POC5: variants seen among roughly 807,000 people sequenced by gnomAD.
POC5 encodes POC5 centriolar protein.
POC5 carries 48 observed loss-of-function variants against 62.9 expected under a neutral mutation model. The observed-to-expected ratio is 0.76, with a 90% CI of 0.61 to 0.97. The LOEUF is 0.97. POC5 is among the 50% of genes least tolerant of loss of function. POC5 has a pLI of 0.00. For synonymous variants in POC5, 236 were observed against 228.2 expected (o/e 1.03, Z -0.31); for missense variants, 696 against 679.5 (o/e 1.02, Z -0.27).
chr5:75,692,194 T>C (rs1176689499), intron 7 of POC5, among the ~76,000 whole-genome samples: 1 of 152,178 alleles, frequency 6.6e-6, no homozygotes, highest in Non-Finnish European at 1.5e-5. Context: ...GTATCTATTG[T>C]AATATATATA....
At chr5:75,697,263 C>A (rs1007196646) in intron 5 of POC5, among the ~76,000 whole-genome samples, 2 of 151,986 alleles carry the variant, frequency 1.3e-5, no homozygotes, top group African/African-American at 2.4e-5. Flanking sequence ...GTCAGATTCG[C>A]CAAAGTTGAA....
intron 3 of POC5, among the ~76,000 whole-genome samples, chr5:75,707,243 A>G (rs1413433304): frequency 6.6e-6 from 1 of 152,216 alleles, no homozygotes; most frequent in African/African-American, 2.4e-5. Flanking sequence ...AGTAGCTTTC[A>G]GTTCTGTTGC....
In POC5 at chr5:75,689,720, TAAC is replaced by T. The variant is rs769246058; in HGVS notation, c.976-558_976-556del. 6 of 955,576 alleles carry T rather than the reference TAAC, an allele frequency of 6.3e-6. No individual in the cohort carries two copies. The South Asian group carries it at 2.9e-4, about 46-fold the overall frequency. 59.2% of individuals were successfully genotyped at this position (955,576 alleles called of 1,614,324 possible). A position where few individuals can be genotyped will look rare whatever the true frequency, so the allele number is the denominator to read the frequency against. On this transcript the variant is annotated intron_variant, in intron 8 of 11. Coordinates refer to ENST00000428202, the MANE Select transcript of POC5 (RefSeq NM_001099271.2). ...TGTATTATGGATTTATTTTTAATCT[TAAC>T]AATTTAATGCTGTAATGAGTTATTT...
chr5:75,711,893 T>C (rs1395969517), intron 2 of POC5, among the ~76,000 whole-genome samples: 3 of 152,234 alleles, frequency 2.0e-5, no homozygotes, highest in African/African-American at 7.2e-5. Context: ...CATTTTAGTA[T>C]AAATGAGTTA....
At chr5:75,675,376 A>G (rs996895184) in intron 11 of POC5, among the ~76,000 whole-genome samples, 2 of 152,198 alleles carry the variant, frequency 1.3e-5, no homozygotes, top group Non-Finnish European at 2.9e-5. Flanking sequence ...TGACTAGGAC[A>G]TGTCAATTTC....
intron 9 of POC5, among the ~76,000 whole-genome samples, chr5:75,688,798 A>G (rs1776198769): frequency 6.6e-6 from 1 of 152,234 alleles, no homozygotes; most frequent in Non-Finnish European, 1.5e-5. Context: ...GTGACAGTGT[A>G]CTTGATCAGA....
At chr5:75,711,632 A>C (rs74842921) in intron 2 of POC5, among the ~76,000 whole-genome samples, 9,374 of 152,266 alleles carry the variant, frequency 0.062, 477 homozygotes, top group East Asian at 0.29. Flanking sequence ...AGTGAAACCC[A>C]AAGTAATAAC....
intron 11 of POC5, among the ~76,000 whole-genome samples, chr5:75,676,705 C>T (rs1052112499): frequency 7.9e-5 from 12 of 151,802 alleles, no homozygotes; most frequent in Admixed American, 3.9e-4. Context: ...GCCTGTAATC[C>T]CAGCTACTCG....
chr5:75,676,691 G>A lies in POC5; in HGVS notation c.1584+1083C>T, dbSNP rs532277055. Among the ~76,000 whole-genome samples the A allele has an allele frequency of 1.3e-4, 20 of 152,016 alleles. No individual in the cohort carries two copies. The South Asian group carries it at 3.7e-3, about 28-fold the overall frequency. ...CCTGAAATCAGCTGGGGGTGGTGGCGGGTGCCTGTAATCCCAGCTACTCGG... is the reference window on the plus strand; with the variant it reads ...CCTGAAATCAGCTGGGGGTGGTGGCAGGTGCCTGTAATCCCAGCTACTCGG... On this transcript the variant is annotated intron_variant, in intron 11 of 11. Transcript: ENST00000428202.
chr5:75,680,093 T>C (rs1231356836), intron 10 of POC5, among the ~76,000 whole-genome samples: 9 of 152,308 alleles, frequency 5.9e-5, no homozygotes, highest in African/African-American at 2.2e-4. Context: ...AGGGAAACTT[T>C]GTCCTATTAC....
chr5:75,682,574 G>A (rs1008099970), intron 10 of POC5, among the ~76,000 whole-genome samples: 1 of 139,264 alleles, frequency 7.2e-6, no homozygotes, highest in Non-Finnish European at 1.5e-5. Flanking sequence ...GCAGTGCAAT[G>A]GCATGATCTT....
chr5:75,700,008 C>T (rs971354789), intron 5 of POC5, among the ~76,000 whole-genome samples: 1 of 151,876 alleles, frequency 6.6e-6, no homozygotes, highest in African/African-American at 2.4e-5. Context: ...ATCCAACTTA[C>T]AAGGGATGGG....
Position 75,712,932 on chromosome 5 carries a change from T to C in POC5, c.6A>G (p.Ser2=). Residue 2 remains serine, a synonymous_variant, in exon 2 of 12, where the codon TCA becomes TCG. Transcript: ENST00000428202. The stretch of plus-strand genomic sequence containing the variant: ...GAAGTGAGTATTTCTCCTCATCTGA[T>C]GACATTCTGCACAAATGCTCTAAAA... M[S]SDEEKYSLPV... is the part of the protein sequence containing the mutation. The C allele has an allele frequency of 6.2e-7, 1 of 1,610,510 alleles. No homozygotes were observed. Among genetic ancestry groups the C allele is most frequent in the Non-Finnish European group, 8.5e-7 (1 of 1,178,072 alleles).
At chr5:75,695,683 AC>A (rs1397871542) in intron 5 of POC5, among the ~76,000 whole-genome samples, 1 of 152,144 alleles carries the variant, frequency 6.6e-6, no homozygotes, top group Non-Finnish European at 1.5e-5. Context: ...AAACAAAAAA[AC>A]AAACAAAAAA....
At chr5:75,684,898 C>T (rs1453429295) in intron 10 of POC5, among the ~76,000 whole-genome samples, 57 of 145,024 alleles carry the variant, frequency 3.9e-4, no homozygotes, top group Admixed American at 3.9e-3. Flanking sequence ...GATGGAGTCT[C>T]GCTCTGTTGC....
rs190991771 is a variant in POC5 at position 75,694,672 on chromosome 5, T to C, written c.673A>G (p.Ile225Val). The change falls in exon 6 of 12, where the codon ATT becomes GTT. Residue 225 changes from isoleucine (I) to valine (V), a missense_variant. Ile to Val is a conservative substitution (Grantham distance 29). Coordinates refer to ENST00000428202, the MANE Select transcript of POC5 (RefSeq NM_001099271.2). ...AAGAAGACCTCATCTTTTCTCCCAA[T>C]GGAGATTTCAAAGGTTTTTTGCAGC... The part of the protein sequence containing the change: ...KELQKTFEIS[I>V]GRKDEVISSL... 55 of 1,561,926 alleles carry C rather than the reference T, an allele frequency of 3.5e-5. No homozygotes were observed. In the Admixed American group the frequency reaches 3.9e-4, roughly 11 times the overall value.
intron 3 of POC5, among the ~76,000 whole-genome samples, chr5:75,706,041 C>T (rs1777105296): frequency 6.6e-6 from 1 of 152,192 alleles, no homozygotes; most frequent in Admixed American, 6.5e-5. Context: ...TCTACTATAG[C>T]ATTCAATTCA....
chr5:75,689,628 T>A (rs983757872), intron 8 of POC5: 4 of 985,284 alleles, frequency 4.1e-6, no homozygotes, highest in Non-Finnish European at 4.8e-6. Flanking sequence ...TACAACACAC[T>A]TTCCCATAGG....
chr5:75,681,430 A>G (rs1775863458), intron 10 of POC5, among the ~76,000 whole-genome samples: 1 of 152,140 alleles, frequency 6.6e-6, no homozygotes, highest in Non-Finnish European at 1.5e-5. Flanking sequence ...TGAAGTTAGA[A>G]AAAGAATAAA....
Sources: allele counts gnomAD v4.1 joint callset (sites outside exome capture counted in the v4.1 genomes callset), GRCh38; gene constraint gnomAD v4.1.1; transcripts MANE v1.5; gene names NCBI Gene and HGNC (gene_info 2026-07-23, HGNC 2026-07-21).